WDR25: variants seen among roughly 807,000 people sequenced by gnomAD.
WDR25 encodes the protein WD repeat-containing protein 25.
WDR25 carries 35 observed loss-of-function variants against 47.7 expected under a neutral mutation model. The ratio of observed to expected loss-of-function variants is 0.73; its 90% CI spans 0.56 to 0.97. The LOEUF (loss-of-function observed/expected upper bound fraction) is 0.97, where lower values mean the gene tolerates loss of function less well. Ranked by LOEUF, WDR25 falls within the 50% of genes least tolerant of loss-of-function variation. The pLI, the probability that WDR25 is intolerant of heterozygous loss-of-function variation, is 0.00. For missense variants in WDR25, 634 were observed against 704.7 expected (o/e 0.90, Z 1.14); for synonymous variants, 248 against 278.9 (o/e 0.89, Z 1.10).
chr14:100,395,832 C>G (rs1177881748), intron 2 of WDR25, among the ~76,000 whole-genome samples: 1 of 152,140 alleles, frequency 6.6e-6, no homozygotes, highest in African/African-American at 2.4e-5. Flanking sequence ...ACTCCCCCAC[C>G]CACCCCTCAC....
At chr14:100,416,717 G>A (rs997349382) in intron 2 of WDR25, among the ~76,000 whole-genome samples, 4 of 152,192 alleles carry the variant, frequency 2.6e-5, no homozygotes, top group Non-Finnish European at 5.9e-5. Flanking sequence ...GTGCACCTGG[G>A]CTGTGCCCCG....
intron 2 of WDR25, among the ~76,000 whole-genome samples, chr14:100,465,298 A>G (rs4905961): frequency 0.67 from 101,762 of 152,022 alleles, 34,549 homozygotes; most frequent in African/African-American, 0.75. Context: ...TCTGCACCCC[A>G]TCTGTCTGCA....
intron 2 of WDR25, among the ~76,000 whole-genome samples, chr14:100,433,974 C>G (rs1235392811): frequency 6.6e-6 from 1 of 151,772 alleles, no homozygotes; most frequent in Non-Finnish European, 1.5e-5. Flanking sequence ...GCCTGTAATC[C>G]CAGTGTTTTG....
chr14:100,435,324 C>T (rs142495692), intron 2 of WDR25, among the ~76,000 whole-genome samples: 258 of 152,274 alleles, frequency 1.7e-3, no homozygotes, highest in South Asian at 3.9e-3. Flanking sequence ...GAAAAAGGCC[C>T]CAGGGAGGGA....
intron 2 of WDR25, among the ~76,000 whole-genome samples, chr14:100,389,460 T>TC (rs1897090127): frequency 6.6e-6 from 1 of 152,240 alleles, no homozygotes; most frequent in African/African-American, 2.4e-5. Flanking sequence ...TCAGGTGTTT[T>TC]CTTTTGTCTA....
At chr14:100,505,191 C>G (rs1901070993) in intron 4 of WDR25, among the ~76,000 whole-genome samples, 1 of 152,106 alleles carries the variant, frequency 6.6e-6, no homozygotes. Context: ...ATGTCTTCTT[C>G]TAGAAGTTTC....
chr14:100,423,935 C>A (rs758648483), intron 2 of WDR25, among the ~76,000 whole-genome samples: 9 of 152,288 alleles, frequency 5.9e-5, no homozygotes, highest in Non-Finnish European at 1.0e-4. Flanking sequence ...GCTGTCCATA[C>A]CTTATGATGG....
chr14:100,520,002 ATATG>A (rs1484592732), intron 4 of WDR25, among the ~76,000 whole-genome samples: 1 of 146,400 alleles, frequency 6.8e-6, no homozygotes, highest in Non-Finnish European at 1.5e-5. Context: ...GTGTGTATAT[ATATG>A]TACACTATAT....
At chr14:100,460,643 A>C (rs1262522298) in intron 2 of WDR25, among the ~76,000 whole-genome samples, 1 of 152,148 alleles carries the variant, frequency 6.6e-6, no homozygotes, top group African/African-American at 2.4e-5. Context: ...AACATTCATT[A>C]GTGATTAAAA....
chr14:100,513,030 G>A (rs972160953), intron 4 of WDR25, among the ~76,000 whole-genome samples: 1 of 152,124 alleles, frequency 6.6e-6, no homozygotes, highest in Non-Finnish European at 1.5e-5. Flanking sequence ...TGTTCTGTGT[G>A]CACTGAAAAG....
Position 100,502,635 on chromosome 14 carries a change from C to T in WDR25, c.1101+18511C>T, listed in dbSNP as rs1900965860. Among the ~76,000 whole-genome samples the T allele has an allele frequency of 6.6e-6, 1 of 152,196 alleles. No individual in the cohort carries two copies. Among genetic ancestry groups the T allele is most frequent in the Non-Finnish European group, 1.5e-5 (1 of 68,032 alleles). Reference sequence around the variant, plus strand: ...ATTAACCACTGCATGGCCAAGTGGCCACGGCGTGGGGGAACATGAGGTCCC... The same window carrying T: ...ATTAACCACTGCATGGCCAAGTGGCTACGGCGTGGGGGAACATGAGGTCCC... On this transcript the variant is annotated intron_variant, in intron 4 of 6. Coordinates refer to ENST00000402312, the MANE Select transcript of WDR25 (RefSeq NM_001161476.3). This position sits in a 1 kb window ranked among gnomAD's most constrained non-coding sequence, Gnocchi z 4.5.
intron 2 of WDR25, among the ~76,000 whole-genome samples, chr14:100,446,308 A>T (rs967669828): frequency 1.3e-5 from 2 of 152,144 alleles, no homozygotes; most frequent in African/African-American, 4.8e-5. Context: ...TAATCCTAGC[A>T]CTTTGGGAGG....
chr14:100,469,502 T>C (rs1899757417), intron 3 of WDR25, among the ~76,000 whole-genome samples: 1 of 152,192 alleles, frequency 6.6e-6, no homozygotes, highest in African/African-American at 2.4e-5. Flanking sequence ...CAGTGGTGCA[T>C]AGCCAGCAGG....
At chr14:100,434,703 C>T (rs1476438428) in intron 2 of WDR25, among the ~76,000 whole-genome samples, 1 of 152,192 alleles carries the variant, frequency 6.6e-6, no homozygotes, top group Non-Finnish European at 1.5e-5. Context: ...AAGTTCTATT[C>T]AGAGAGGTGC....
At chr14:100,401,059 C>T (rs769427612) in intron 2 of WDR25, among the ~76,000 whole-genome samples, 6 of 152,152 alleles carry the variant, frequency 3.9e-5, no homozygotes, top group South Asian at 4.1e-4. Context: ...TGAAAATAAG[C>T]GTGTTTAATT....
chr14:100,500,152 C>G lies in WDR25; in HGVS notation c.1101+16028C>G, dbSNP rs1011586364. 7.9e-5 allele frequency among the ~76,000 whole-genome samples: 12 copies of G among 152,142 alleles called. No homozygotes were observed. The highest frequency in any genetic ancestry group is 2.9e-4 in the African/African-American group (12 of 41,438). On this transcript the variant is annotated intron_variant, in intron 4 of 6. Coordinates refer to ENST00000402312, the MANE Select transcript of WDR25 (RefSeq NM_001161476.3). This position sits in a 1 kb window ranked among gnomAD's most constrained non-coding sequence, Gnocchi z 4.7. ...CCTCTCTGTGCACCAAGGAGGAGGGCCAGCCTGACTGGATGGGGCGGCTCC... is the reference window on the plus strand; with the variant it reads ...CCTCTCTGTGCACCAAGGAGGAGGGGCAGCCTGACTGGATGGGGCGGCTCC...
chr14:100,440,687 T>C lies in WDR25; in HGVS notation c.823-27334T>C, dbSNP rs1259537430. ...CTCATTCCCTGTTTTTATTCCCTTC[T>C]TTTATTTAGGGAGAGCCAGAGCAGC... On this transcript the variant is annotated intron_variant, in intron 2 of 6. Coordinates refer to ENST00000402312, the MANE Select transcript of WDR25 (RefSeq NM_001161476.3). This position sits in a 1 kb window ranked among gnomAD's most constrained non-coding sequence, Gnocchi z 4.4. Among the ~76,000 whole-genome samples, 1 of 152,252 alleles carries C rather than the reference T, an allele frequency of 6.6e-6. No homozygotes were observed. Among genetic ancestry groups the C allele is most frequent in the Admixed American group, 6.5e-5 (1 of 15,284 alleles).
chr14:100,454,469 G>A (rs1201290890), intron 2 of WDR25: 7 of 1,283,298 alleles, frequency 5.5e-6, no homozygotes, highest in Non-Finnish European at 7.1e-6. Context: ...TAATGAAGCA[G>A]TAGTTCTGGC....
chr14:100,408,984 CTT>C (rs1228246533), intron 2 of WDR25, among the ~76,000 whole-genome samples: 1 of 152,174 alleles, frequency 6.6e-6, no homozygotes, highest in Non-Finnish European at 1.5e-5. Context: ...GAGCGCTAGA[CTT>C]ATTTTATTTG....
Sources: allele counts gnomAD v4.1 joint callset (sites outside exome capture counted in the v4.1 genomes callset), GRCh38; gene constraint gnomAD v4.1.1; non-coding constraint Gnocchi (gnomAD v3.1); transcripts MANE v1.5; gene names NCBI Gene and HGNC (gene_info 2026-07-23, HGNC 2026-07-21).